The following COL5A3 variants were observed in gnomAD, a reference collection of about 807,000 sequenced individuals.
The protein encoded by COL5A3 is collagen alpha-3(V) chain.
COL5A3 carries 172 observed loss-of-function variants against 250.0 expected under a neutral mutation model. That is an observed-to-expected ratio of 0.69 (90% CI 0.61 to 0.78). COL5A3 has a LOEUF of 0.78. Ranked by LOEUF, COL5A3 falls within the 30% of genes least tolerant of loss-of-function variation. The pLI is 0.00. For synonymous variants in COL5A3, 937 were observed against 900.4 expected (o/e 1.04, Z -0.73); for missense variants, 2,340 against 2,334.4 (o/e 1.00, Z -0.05).
At chr19:9,980,965 C>T (rs947327528) in intron 33 of COL5A3, 106 bp from the exon 34 acceptor site, 138 of 1,491,292 alleles carry the variant, frequency 9.3e-5, no homozygotes, top group East Asian at 1.4e-4. Context: ...CTCTCCTGCC[C>T]GACCAGGGAC....
chr19:10,006,009 C>A, intron 2 of COL5A3, 24 bp from the exon 3 acceptor site: 1 of 1,611,314 alleles, frequency 6.2e-7, no homozygotes, highest in South Asian at 1.1e-5. Context: ...GGGAACAAGG[C>A]AGCTCAGAGG....
At chr19:9,984,327 A>G (rs2087063718) in intron 31 of COL5A3, among the ~76,000 whole-genome samples, 1 of 152,020 alleles carries the variant, frequency 6.6e-6, no homozygotes, top group African/African-American at 2.4e-5. Flanking sequence ...CCAGCCCCAA[A>G]TGTCTTTAGG....
At chr19:9,987,611 G>A (rs761793544) in intron 27 of COL5A3, among the ~76,000 whole-genome samples, 14 of 151,862 alleles carry the variant, frequency 9.2e-5, no homozygotes, top group Non-Finnish European at 1.6e-4. Context: ...GTAGCCGGAT[G>A]TGGTGACGTG....
chr19:10,006,250 G>C lies in COL5A3; in HGVS notation c.89-19C>G. On this transcript the variant is annotated intron_variant, in intron 1 of 66. Coordinates refer to ENST00000264828, the MANE Select transcript of COL5A3 (RefSeq NM_015719.4). ...ACAGGATCTGCAGCAGAGAGAAGCCGGGGGTGTCAGGCAGAGGTGGGGAAC... is the reference window on the plus strand; with the variant it reads ...ACAGGATCTGCAGCAGAGAGAAGCCCGGGGTGTCAGGCAGAGGTGGGGAAC... 1.3e-6 allele frequency: 2 copies of C among 1,575,484 alleles called. No individual in the cohort carries two copies. The highest frequency in any genetic ancestry group is 1.7e-6 in the Non-Finnish European group (2 of 1,161,022).
chr19:9,993,510 G>A (rs2087225287), intron 18 of COL5A3, 77 bp from the exon 19 acceptor site: 2 of 1,574,986 alleles, frequency 1.3e-6, no homozygotes, highest in African/African-American at 1.3e-5. Context: ...GGCAGATGGG[G>A]TGTGAGGAGG....
intron 8 of COL5A3, among the ~76,000 whole-genome samples, chr19:9,999,614 G>T (rs911075936): frequency 4.1e-5 from 6 of 147,248 alleles, no homozygotes; most frequent in African/African-American, 1.5e-4. Context: ...ACAGGCGCCC[G>T]CCACCACGCC....
rs1189481404 is a variant in COL5A3, at chr19:9,973,756, C to T, written c.3612G>A (p.Lys1204=). ...GCAGCCCCTGCCTTCCCTCACTCAC[C>T]TTCTCACCCACGGCGCCTGGCTGAC... ...GVGQPGAVGE[K]GERGDAGDPG... is the part of the protein sequence containing the mutation. The change falls in exon 49 of 67, where the codon AAG becomes AAA. Residue 1204 remains lysine, a splice_region_variant and synonymous_variant. Transcript: ENST00000264828. 6.2e-7 allele frequency: 1 copy of T among 1,613,998 alleles called. No homozygotes were observed. Among genetic ancestry groups the T allele is most frequent in the South Asian group, 1.1e-5 (1 of 91,082 alleles).
At chr19:9,985,448 T>TG (rs2087085695) in intron 31 of COL5A3, among the ~76,000 whole-genome samples, 1 of 138,572 alleles carries the variant, frequency 7.2e-6, no homozygotes, top group Admixed American at 7.3e-5. Context: ...TTAGTAGAGA[T>TG]GGGGTTTCTC....
rs1398550320 is a variant in COL5A3 at position 9,968,932 on chromosome 19, T to A, written c.4153-204A>T. On this transcript the variant is annotated intron_variant, in intron 57 of 66. Transcript: ENST00000264828. This position sits in a 1 kb window ranked among gnomAD's most constrained non-coding sequence, Gnocchi z 4.1. Reference sequence around the variant, plus strand: ...TTGACTGGAGGATGGACAACGTGAGTGGTCAGTGGCCAAGGTCAGCGTGGG... The same window carrying A: ...TTGACTGGAGGATGGACAACGTGAGAGGTCAGTGGCCAAGGTCAGCGTGGG... The A allele has an allele frequency of 1.3e-5, 8 of 635,464 alleles. No individual in the cohort carries two copies. The highest frequency in any genetic ancestry group is 2.2e-5 in the Non-Finnish European group (8 of 360,378). The allele number at this position is 635,464 out of a possible 1,614,324, so 39.4% of individuals were successfully genotyped here.
Position 9,983,657 on chromosome 19 carries a change from CAGAAAGAA to C in COL5A3, c.2407-1547_2407-1540del, listed in dbSNP as rs758923029. 1.0e-4 allele frequency among the ~76,000 whole-genome samples: 11 copies of C among 110,238 alleles called. 1 individual carries two copies. The highest frequency in any genetic ancestry group is 7.6e-4 in the East Asian group (3 of 3,972). 72.3% of individuals were successfully genotyped at this position (110,238 alleles called of 152,430 possible). A position where few individuals can be genotyped will look rare whatever the true frequency, so the allele number is the denominator to read the frequency against. ...AGAGAGAGAGAGAAAGAAAGACAGACAGAAAGAAAGAAAGAAAAAAGAAGAAAGAAAGA... is the reference window on the plus strand; with the variant it reads ...AGAGAGAGAGAGAAAGAAAGACAGACAGAAAGAAAAAAGAAGAAAGAAAGA... On this transcript the variant is annotated intron_variant, in intron 31 of 66. Transcript: ENST00000264828.
At chr19:9,984,209 G>C (rs1196210495) in intron 31 of COL5A3, among the ~76,000 whole-genome samples, 1 of 152,044 alleles carries the variant, frequency 6.6e-6, no homozygotes, top group East Asian at 1.9e-4. Context: ...TTTTAGTAGA[G>C]ATGGGGTTCT....
chr19:9,995,653 TA>T (rs2087258290), intron 15 of COL5A3, 36 bp from the exon 16 acceptor site: 4 of 1,502,934 alleles, frequency 2.7e-6, no homozygotes, highest in Non-Finnish European at 3.6e-6. Context: ...GAAAGGAAAA[TA>T]AGAAGAAAGA....
chr19:9,993,615 T>C lies in COL5A3; in HGVS notation c.1695+4A>G. On this transcript the variant is annotated splice_donor_region_variant and intron_variant, in intron 18 of 66. Transcript: ENST00000264828. ...GACTTGGGGGAGGGACCTCACACAC[T>C]CACCCTTTGGCCCTTCTCACCAGGC... 1.2e-6 allele frequency: 2 copies of C among 1,613,986 alleles called. No individual in the cohort carries two copies. The highest frequency in any genetic ancestry group is 1.7e-6 in the Non-Finnish European group (2 of 1,179,946).
At position 9,960,497 on chromosome 19, in the gene COL5A3, G is replaced by A; in HGVS notation, c.5152C>T (p.Pro1718Ser). The A allele has an allele frequency of 6.2e-7, 1 of 1,614,160 alleles. No individual in the cohort carries two copies. The highest frequency in any genetic ancestry group is 8.5e-7 in the Non-Finnish European group (1 of 1,180,028). ...EFSSSRAGFL[P>S]LWDVAATDFG... ...TCAGTGGCCGCCACATCCCACAGGG[G>A]CAGAAATCCCGCTCGAGAAGAGCTG... Residue 1718 changes from proline to serine, a missense_variant, in exon 67 of 67, where the codon CCC (proline) becomes TCC (serine). Physicochemically the swap from Pro to Ser is moderately conservative, Grantham distance 74. Coordinates refer to ENST00000264828, the MANE Select transcript of COL5A3 (RefSeq NM_015719.4).
Position 10,001,887 on chromosome 19 carries a change from G to A in COL5A3, c.850-6C>T. 6.2e-7 allele frequency: 1 copy of A among 1,607,364 alleles called. No individual in the cohort carries two copies. Among genetic ancestry groups the A allele is most frequent in the Non-Finnish European group, 8.5e-7 (1 of 1,174,010 alleles). ...TTGGGGATGTCAGTGGAGGTCTGGAGCAGGGATGGAGGGAGCCTTGGGTCT... is the reference window on the plus strand; with the variant it reads ...TTGGGGATGTCAGTGGAGGTCTGGAACAGGGATGGAGGGAGCCTTGGGTCT... On this transcript the variant is annotated splice_polypyrimidine_tract_variant and splice_region_variant and intron_variant, in intron 6 of 66. Transcript: ENST00000264828.
intron 31 of COL5A3, 32 bp from the exon 32 acceptor site, chr19:9,982,150 G>C (rs766984032): frequency 4.0e-6 from 6 of 1,509,432 alleles, no homozygotes; most frequent in Non-Finnish European, 5.4e-6. Flanking sequence ...GAAGACATGA[G>C]GGTGAGGAGT....
chr19:9,985,974 T>C (rs1862474), intron 30 of COL5A3, 79 bp from the exon 31 acceptor site: 306,369 of 1,297,618 alleles, frequency 0.24, 36,804 homozygotes, highest in East Asian at 0.34. Context: ...GGCTGGGGCA[T>C]GGTGAATGGG....
Position 10,001,851 on chromosome 19 carries a change from G to A in COL5A3, c.880C>T (p.Pro294Ser), listed in dbSNP as rs2087368499. 1.2e-6 allele frequency: 2 copies of A among 1,614,114 alleles called. No individual in the cohort carries two copies. The highest frequency in any genetic ancestry group is 1.7e-6 in the Non-Finnish European group (2 of 1,179,992). ...TSTDIPKTET[P>S]APNLPPTPTP... is the part of the protein sequence containing the mutation. ...GGGGTCGGAGGCAGATTTGGAGCTG[G>A]AGTCTCTGTCTTGGGGATGTCAGTG... Residue 294 changes from proline to serine, a missense_variant, in exon 7 of 67, where the codon CCA (proline) becomes TCA (serine). Around this residue, in one of 3 missense-constraint regions of COL5A3, gnomAD observed 1,152 missense variants for 1,146.3 expected, o/e 1.00. Coordinates refer to ENST00000264828, the MANE Select transcript of COL5A3 (RefSeq NM_015719.4).
intron 16 of COL5A3, among the ~76,000 whole-genome samples, chr19:9,994,562 A>T (rs1441410740): frequency 5.9e-5 from 1 of 16,918 alleles, no homozygotes; most frequent in Non-Finnish European, 1.0e-4. Context: ...TGTTTTACAT[A>T]TATATATATA....
Sources: allele counts gnomAD v4.1 joint callset (sites outside exome capture counted in the v4.1 genomes callset), GRCh38; gene constraint gnomAD v4.1.1; regional missense constraint gnomAD v4.1.1; non-coding constraint Gnocchi (gnomAD v3.1); transcripts MANE v1.5; gene names NCBI Gene and HGNC (gene_info 2026-07-23, HGNC 2026-07-21).